Variants in ARB2A observed in about 807,000 individuals in gnomAD.
The protein encoded by ARB2A is ARB2 cotranscriptional regulator A.
chr5:93,692,734 A>T, the ARB2A span, among the ~76,000 whole-genome samples: 1 of 152,174 alleles, frequency 6.6e-6, no homozygotes, highest in Non-Finnish European at 1.5e-5. Context: ...TCCACTCCAA[A>T]TCAATAGAAT....
At chr5:93,892,584 C>CT in the ARB2A span, among the ~76,000 whole-genome samples, 1 of 151,932 alleles carries the variant, frequency 6.6e-6, no homozygotes, top group East Asian at 1.9e-4. Context: ...TATACTACCT[C>CT]TGGGGGGGGG....
At chr5:93,920,842 G>A in the ARB2A span, among the ~76,000 whole-genome samples, 3 of 152,098 alleles carry the variant, frequency 2.0e-5, no homozygotes. Flanking sequence ...TGTTGTGAAT[G>A]TCCCCTTAAA....
chr5:93,905,329 AGT>A, the ARB2A span, among the ~76,000 whole-genome samples: 1 of 151,672 alleles, frequency 6.6e-6, no homozygotes, highest in South Asian at 2.1e-4. Context: ...TATGATTCCC[AGT>A]CTCTATTAAT....
At chr5:94,053,816 G>C in the ARB2A span, among the ~76,000 whole-genome samples, 4 of 152,094 alleles carry the variant, frequency 2.6e-5, no homozygotes, top group South Asian at 4.2e-4. Context: ...ACCTAGGCTG[G>C]AGTGCAGTGG....
At chr5:93,709,116 A>C in the ARB2A span, among the ~76,000 whole-genome samples, 70 of 151,390 alleles carry the variant, frequency 4.6e-4, no homozygotes, top group Middle Eastern at 6.8e-3. Context: ...AGGTATACAC[A>C]TGTCAATCAC....
chr5:94,037,272 A>T, the ARB2A span, among the ~76,000 whole-genome samples: 1 of 152,292 alleles, frequency 6.6e-6, no homozygotes, highest in East Asian at 1.9e-4. Flanking sequence ...TCCTATACGT[A>T]GTATTCCACT....
the ARB2A span, among the ~76,000 whole-genome samples, chr5:93,626,484 A>C: frequency 2.0e-5 from 3 of 152,226 alleles, no homozygotes; most frequent in Admixed American, 1.3e-4. Context: ...AAGGTCATGG[A>C]ATACAGGCAT....
the ARB2A span, among the ~76,000 whole-genome samples, chr5:94,029,976 G>A: frequency 4.3e-4 from 65 of 152,238 alleles, 1 homozygote; most frequent in South Asian, 1.7e-3. Flanking sequence ...GGTGTCTTAC[G>A]TGGCAGCAGA....
chr5:93,638,540 C>T, the ARB2A span, among the ~76,000 whole-genome samples: 62 of 152,112 alleles, frequency 4.1e-4, 2 homozygotes, highest in South Asian at 0.012. Context: ...AGGCTGGGCA[C>T]GGTGGCTCAT....
the ARB2A span, among the ~76,000 whole-genome samples, chr5:94,028,989 G>T: frequency 3.9e-5 from 6 of 152,078 alleles, no homozygotes; most frequent in East Asian, 1.2e-3. Context: ...TTTGGGTGGC[G>T]GGGGGAGGGA....
chr5:93,710,438 C>A, the ARB2A span, among the ~76,000 whole-genome samples: 3 of 152,168 alleles, frequency 2.0e-5, no homozygotes, highest in Admixed American at 6.5e-5. Context: ...GATTAATGTA[C>A]AAAATGATGA....
At chr5:93,658,690 T>G in the ARB2A span, among the ~76,000 whole-genome samples, 2 of 152,130 alleles carry the variant, frequency 1.3e-5, no homozygotes, top group African/African-American at 4.8e-5. Context: ...TCTTTTCAGA[T>G]GAGCTTATAT....
chr5:94,052,247 C>T, the ARB2A span, among the ~76,000 whole-genome samples: 1 of 152,156 alleles, frequency 6.6e-6, no homozygotes, highest in Non-Finnish European at 1.5e-5. Flanking sequence ...AAATACACTA[C>T]AGGCCAATTG....
the ARB2A span, among the ~76,000 whole-genome samples, chr5:93,642,861 T>A: frequency 1.6e-4 from 24 of 152,296 alleles, no homozygotes; most frequent in East Asian, 3.3e-3. Flanking sequence ...TTGATTATGA[T>A]TTATCACATC....
chr5:93,938,546 C>T, the ARB2A span, among the ~76,000 whole-genome samples: 6 of 152,110 alleles, frequency 3.9e-5, no homozygotes, highest in African/African-American at 7.2e-5. Context: ...TGCAAATTGC[C>T]TTGGATAAGC....
chr5:93,798,791 C>T, the ARB2A span, among the ~76,000 whole-genome samples: 2 of 152,184 alleles, frequency 1.3e-5, no homozygotes, highest in South Asian at 4.1e-4. Context: ...CAGTGCACTA[C>T]CTAAGAGCAC....
At chr5:93,804,543 T>C in the ARB2A span, among the ~76,000 whole-genome samples, 1 of 151,886 alleles carries the variant, frequency 6.6e-6, no homozygotes, top group Non-Finnish European at 1.5e-5. Flanking sequence ...AAATACAGCA[T>C]AAAGGAAATA....
chr5:93,947,407 C>A, the ARB2A span, among the ~76,000 whole-genome samples: 1 of 151,818 alleles, frequency 6.6e-6, no homozygotes, highest in Admixed American at 6.6e-5. Context: ...AGCAAAGAAA[C>A]CTCCTTTTAA....
At chr5:93,702,837 G>C in the ARB2A span, among the ~76,000 whole-genome samples, 16 of 152,206 alleles carry the variant, frequency 1.1e-4, no homozygotes, top group African/African-American at 3.1e-4. Context: ...ATATTTTCAA[G>C]TTTAAGAGTT....
Sources: gnomAD v4.1 joint callset for allele counts (sites outside exome capture counted in the v4.1 genomes callset) on GRCh38, gnomAD v4.1.1 for gene constraint, MANE v1.5 for transcripts, NCBI Gene and HGNC (gene_info 2026-07-23, HGNC 2026-07-21) for gene names.